NRTN: variants seen among roughly 807,000 people sequenced by gnomAD.
The protein encoded by NRTN is prepro-neurturin.
NRTN carries 3 observed loss-of-function variants against 7.5 expected under a neutral mutation model. The observed-to-expected ratio is 0.40, with a 90% CI of 0.18 to 1.03. The LOEUF is 1.03. Among genes scored for constraint, NRTN ranks in the 50% least tolerant of loss-of-function variants. NRTN has a pLI of 0.34. For missense variants in NRTN, 310 were observed against 307.0 expected, an observed-to-expected ratio of 1.01 and a Z score of -0.07; for synonymous variants, 157 against 146.6, an observed-to-expected ratio of 1.07 and a Z score of -0.51.
chr19:5,811,193 G>A (rs566074841), intron 1 of NRTN, among the ~76,000 whole-genome samples: 16 of 152,238 alleles, frequency 1.1e-4, no homozygotes, highest in East Asian at 9.7e-4. Context: ...AGCCGAGATC[G>A]TGCAACTGCA....
chr19:5,814,663 G>A (rs2056999731), intron 1 of NRTN, among the ~76,000 whole-genome samples: 1 of 152,198 alleles, frequency 6.6e-6, no homozygotes, highest in Admixed American at 6.5e-5. Context: ...ACACCCTTGC[G>A]CTGGCTGTCT....
At chr19:5,818,236 T>C (rs2057012264) in intron 1 of NRTN, among the ~76,000 whole-genome samples, 1 of 152,204 alleles carries the variant, frequency 6.6e-6, no homozygotes, top group Non-Finnish European at 1.5e-5. Context: ...AGTGCTGGGA[T>C]TACAGGTGTG....
intron 1 of NRTN, among the ~76,000 whole-genome samples, chr19:5,810,479 C>T (rs190970805): frequency 3.5e-4 from 53 of 151,880 alleles, no homozygotes; most frequent in African/African-American, 9.7e-4. Flanking sequence ...AGTTTCCCTA[C>T]GTGGAAAACA....
intron 1 of NRTN, among the ~76,000 whole-genome samples, chr19:5,817,165 G>C (rs980104114): frequency 6.6e-6 from 1 of 151,820 alleles, no homozygotes; most frequent in South Asian, 2.1e-4. Context: ...GTGAAACCCA[G>C]TTTCTACCAA....
At position 5,823,993 on chromosome 19, in the gene NRTN, C is replaced by G; in HGVS notation, c.-173C>G. 1.1e-6 allele frequency: 1 copy of G among 902,730 alleles called. No homozygotes were observed. Among genetic ancestry groups the G allele is most frequent in the South Asian group, 1.6e-5 (1 of 63,386 alleles). 55.9% of individuals were successfully genotyped at this position (902,730 alleles called of 1,614,324 possible). A position where few individuals can be genotyped will look rare whatever the true frequency, so the allele number is the denominator to read the frequency against. On this transcript the variant is annotated 5_prime_UTR_variant, in exon 2 of 3. Transcript: ENST00000303212. ...TGACTCCTGGCACGGAGGCCAACCC[C>G]TTCCTTGTTCAATGGTTCCTTGAGG...
Position 5,824,313 on chromosome 19 carries a change from C to G in NRTN, c.148C>G (p.Arg50Gly). Reference sequence around the variant, plus strand: ...CCGCCTGCCTCGAACCCTGGACGCCCGGATTGCCCGCCTGGCCCAGTGTAA... The same window carrying G: ...CCGCCTGCCTCGAACCCTGGACGCCGGGATTGCCCGCCTGGCCCAGTGTAA... ...LHRLPRTLDARIARLAQYRAL... is the reference protein window; with the variant it reads ...LHRLPRTLDAGIARLAQYRAL... The change falls in exon 2 of 3, where the codon CGG (arginine) becomes GGG (glycine). Residue 50 changes from arginine to glycine, a missense_variant. Coordinates refer to ENST00000303212, the MANE Select transcript of NRTN (RefSeq NM_004558.5). 6.2e-7 allele frequency: 1 copy of G among 1,605,064 alleles called. No homozygotes were observed. The highest frequency in any genetic ancestry group is 8.5e-7 in the Non-Finnish European group (1 of 1,177,468).
intron 1 of NRTN, among the ~76,000 whole-genome samples, chr19:5,810,976 C>T (rs1310912474): frequency 6.6e-6 from 1 of 151,616 alleles, no homozygotes; most frequent in Non-Finnish European, 1.5e-5. Context: ...GGTTGTCACA[C>T]CTGTAATCCC....
intron 1 of NRTN, among the ~76,000 whole-genome samples, chr19:5,810,695 A>C (rs980618464): frequency 6.6e-6 from 1 of 152,164 alleles, no homozygotes; most frequent in Non-Finnish European, 1.5e-5. Context: ...GCACTTTGGG[A>C]GGCCGAGGCG....
chr19:5,820,050 A>G (rs999736882), intron 1 of NRTN, among the ~76,000 whole-genome samples: 7 of 151,288 alleles, frequency 4.6e-5, no homozygotes, highest in Non-Finnish European at 1.0e-4. Context: ...GTGGATCACA[A>G]GGTCAGGAGA....
chr19:5,827,177 G>C (rs2057049574), intron 2 of NRTN, among the ~76,000 whole-genome samples: 1 of 152,156 alleles, frequency 6.6e-6, no homozygotes, highest in South Asian at 2.1e-4. Flanking sequence ...GAAAAGCCCG[G>C]GGCCTCAGAG....
chr19:5,811,971 G>T (rs913194567), intron 1 of NRTN, among the ~76,000 whole-genome samples: 1 of 151,848 alleles, frequency 6.6e-6, no homozygotes, highest in African/African-American at 2.4e-5. Flanking sequence ...TTGGGTTCAC[G>T]CCATTCTCCT....
intron 1 of NRTN, among the ~76,000 whole-genome samples, chr19:5,809,675 C>T (rs559280234): frequency 1.2e-4 from 19 of 152,260 alleles, no homozygotes; most frequent in Admixed American, 4.6e-4. Context: ...CAGGTTAATT[C>T]GTGTGCTGGA....
chr19:5,822,286 G>A (rs1351661720), intron 1 of NRTN, among the ~76,000 whole-genome samples: 1 of 152,136 alleles, frequency 6.6e-6, no homozygotes, highest in Admixed American at 6.5e-5. Flanking sequence ...CATTTGGGGG[G>A]CGCCTGGGAA....
Position 5,806,861 on chromosome 19 carries a change from C to T in NRTN, c.-399+1410C>T, listed in dbSNP as rs1168420987. Among the ~76,000 whole-genome samples the T allele has an allele frequency of 6.6e-6, 1 of 152,196 alleles. No individual in the cohort carries two copies. The highest frequency in any genetic ancestry group is 1.5e-5 in the Non-Finnish European group (1 of 68,046). On this transcript the variant is annotated intron_variant, in intron 1 of 2. Coordinates refer to ENST00000303212, the MANE Select transcript of NRTN (RefSeq NM_004558.5). This position sits in a 1 kb window ranked among gnomAD's most constrained non-coding sequence, Gnocchi z 5.4. ...GCTTTCAAGAGCTGGGCAGAAGGGA[C>T]TCAAAAAGTTTGCAGCCGGGCACAA...
chr19:5,827,722 C>T, intron 2 of NRTN, 27 bp from the exon 3 acceptor site: 2 of 1,156,318 alleles, frequency 1.7e-6, no homozygotes, highest in Non-Finnish European at 2.2e-6. Context: ...CACTGACCCC[C>T]CCTCCTTTCT....
At chr19:5,809,554 C>T (rs889743613) in intron 1 of NRTN, among the ~76,000 whole-genome samples, 1 of 152,100 alleles carries the variant, frequency 6.6e-6, no homozygotes, top group Non-Finnish European at 1.5e-5. Flanking sequence ...TCTGTCTCCC[C>T]GACTGGATGG....
intron 2 of NRTN, among the ~76,000 whole-genome samples, chr19:5,826,649 G>A (rs1165102967): frequency 6.6e-6 from 1 of 152,188 alleles, no homozygotes; most frequent in Non-Finnish European, 1.5e-5. Flanking sequence ...AACCACAAGC[G>A]TGACTGCCAC....
In NRTN at chr19:5,805,167, G is replaced by T. The variant is rs1341705204; in HGVS notation, c.-683G>T. Among the ~76,000 whole-genome samples, 12 of 146,320 alleles carry T rather than the reference G, an allele frequency of 8.2e-5. No homozygotes were observed. Among genetic ancestry groups the T allele is most frequent in the African/African-American group, 2.7e-4 (11 of 40,770 alleles). On this transcript the variant is annotated 5_prime_UTR_variant, in exon 1 of 3. Coordinates refer to ENST00000303212, the MANE Select transcript of NRTN (RefSeq NM_004558.5). Reference sequence around the variant, plus strand: ...GCTGCGCGCCGAGGCCGCCTGCGCCGTCCGTGCGCCCCCGCGCCCCGCGCC... The same window carrying T: ...GCTGCGCGCCGAGGCCGCCTGCGCCTTCCGTGCGCCCCCGCGCCCCGCGCC...
At chr19:5,815,365 A>G (rs2057001837) in intron 1 of NRTN, among the ~76,000 whole-genome samples, 1 of 150,986 alleles carries the variant, frequency 6.6e-6, no homozygotes, top group Admixed American at 6.6e-5. Context: ...GTGTGTGCAA[A>G]CACCAGCACG....
Sources: allele counts gnomAD v4.1 joint callset (sites outside exome capture counted in the v4.1 genomes callset), GRCh38; gene constraint gnomAD v4.1.1; non-coding constraint Gnocchi (gnomAD v3.1); transcripts MANE v1.5; gene names NCBI Gene and HGNC (gene_info 2026-07-23, HGNC 2026-07-21).